Variants in PRELID2 observed in about 807,000 individuals in gnomAD.
The protein encoded by PRELID2 is PRELI domain-containing protein 2.
PRELID2 carries 25 observed loss-of-function variants against 28.4 expected under a neutral mutation model. That is an observed-to-expected ratio of 0.88 (90% CI 0.64 to 1.23). The LOEUF (loss-of-function observed/expected upper bound fraction) is 1.23. PRELID2 is among the 50% of genes most tolerant of loss of function. The pLI, the probability that PRELID2 is intolerant of heterozygous loss-of-function variation, is 0.00. For missense variants in PRELID2, 201 were observed against 214.4 expected (o/e 0.94, Z 0.39); for synonymous variants, 76 against 71.6 (o/e 1.06, Z -0.31).
intron 5 of PRELID2, among the ~76,000 whole-genome samples, chr5:145,771,065 G>A (rs1490329188): frequency 2.0e-5 from 3 of 152,046 alleles, no homozygotes; most frequent in Admixed American, 1.3e-4. Context: ...CGCCCACCCA[G>A]AGCAACTTCC....
chr5:145,730,033 C>G (rs1045395921), intron 1 of PRELID2, among the ~76,000 whole-genome samples: 13 of 152,058 alleles, frequency 8.5e-5, no homozygotes, highest in Non-Finnish European at 2.9e-5. Flanking sequence ...AATCTAGGAG[C>G]CTGAGAGGGC....
At chr5:145,367,631 C>T in the PRELID2 span, among the ~76,000 whole-genome samples, 2 of 151,888 alleles carry the variant, frequency 1.3e-5, no homozygotes, top group Non-Finnish European at 2.9e-5. Context: ...TCTGCTAATC[C>T]CTGACAACCA....
chr5:145,456,123 A>C, the PRELID2 span, among the ~76,000 whole-genome samples: 1 of 152,232 alleles, frequency 6.6e-6, no homozygotes, highest in Non-Finnish European at 1.5e-5. Context: ...ACTGGTCTGC[A>C]AAATGTTACT....
At chr5:145,296,830 T>C in the PRELID2 span, among the ~76,000 whole-genome samples, 1 of 152,150 alleles carries the variant, frequency 6.6e-6, no homozygotes, top group Non-Finnish European at 1.5e-5. Flanking sequence ...TGTTCCTATT[T>C]CTCCACATCC....
At chr5:145,500,981 C>T (rs1292807486) in intron 1 of PRELID2, among the ~76,000 whole-genome samples, 1 of 152,134 alleles carries the variant, frequency 6.6e-6, no homozygotes, top group African/African-American at 2.4e-5. Context: ...GAGGGAGGAC[C>T]TGGCCTCCTG....
At chr5:145,381,715 T>A in the PRELID2 span, 2 of 152,396 alleles carry the variant, frequency 1.3e-5, no homozygotes, top group Admixed American at 6.6e-5. Flanking sequence ...ACTGAGAGAT[T>A]TTTCTGCGAA....
chr5:145,480,896 G>A (rs561858403), intron 1 of PRELID2, among the ~76,000 whole-genome samples: 1 of 152,122 alleles, frequency 6.6e-6, no homozygotes, highest in Non-Finnish European at 1.5e-5. Context: ...CTTTCAAAGC[G>A]AGGTTACCGA....
chr5:145,814,169 G>A (rs1464548355), intron 4 of PRELID2, among the ~76,000 whole-genome samples: 1 of 152,086 alleles, frequency 6.6e-6, no homozygotes, highest in Non-Finnish European at 1.5e-5. Context: ...GTTCCTAAAG[G>A]ATGTCCTCCC....
chr5:145,756,604 G>A lies in PRELID2; in HGVS notation c.*3932C>T, dbSNP rs910808571. 1.3e-5 allele frequency among the ~76,000 whole-genome samples: 2 copies of A among 152,148 alleles called. No homozygotes were observed. Among genetic ancestry groups the A allele is most frequent in the Admixed American group, 6.5e-5 (1 of 15,272 alleles). On this transcript the variant is annotated 3_prime_UTR_variant, in exon 7 of 7. Transcript: ENST00000683046. ...TTTCTAGCAATATCTCACTTGCCGCGAGTTCACAAATATGACAACTGCAGA... is the reference window on the plus strand; with the variant it reads ...TTTCTAGCAATATCTCACTTGCCGCAAGTTCACAAATATGACAACTGCAGA...
At chr5:145,643,647 G>A (rs762889589) in intron 1 of PRELID2, among the ~76,000 whole-genome samples, 2 of 152,134 alleles carry the variant, frequency 1.3e-5, no homozygotes, top group Non-Finnish European at 2.9e-5. Flanking sequence ...TTGACTGTGG[G>A]TTTGTCATAA....
At chr5:145,506,157 C>A (rs1291005187) in intron 1 of PRELID2, among the ~76,000 whole-genome samples, 1 of 152,082 alleles carries the variant, frequency 6.6e-6, no homozygotes, top group African/African-American at 2.4e-5. Flanking sequence ...AAATTATTGA[C>A]CCACAAGAGC....
At chr5:145,696,792 C>G (rs539458697) in intron 1 of PRELID2, among the ~76,000 whole-genome samples, 1 of 151,952 alleles carries the variant, frequency 6.6e-6, no homozygotes, top group Admixed American at 6.6e-5. Flanking sequence ...AAAATCATTA[C>G]AGTTCTTAAC....
intron 6 of PRELID2, among the ~76,000 whole-genome samples, chr5:145,764,002 G>A (rs1363076172): frequency 6.6e-6 from 1 of 152,004 alleles, no homozygotes; most frequent in Non-Finnish European, 1.5e-5. Context: ...CTTGAACCCG[G>A]GAGATGGAGG....
the PRELID2 span, among the ~76,000 whole-genome samples, chr5:145,380,698 T>C: frequency 6.6e-6 from 1 of 152,200 alleles, no homozygotes; most frequent in Non-Finnish European, 1.5e-5. Context: ...TAGAGCTATT[T>C]TTGGATTCCC....
chr5:145,748,778 T>C (rs1017848122), intron 1 of PRELID2, among the ~76,000 whole-genome samples: 2 of 152,014 alleles, frequency 1.3e-5, no homozygotes, highest in African/African-American at 4.8e-5. Context: ...AAAACAGATA[T>C]ACAGACAAAT....
At chr5:145,529,325 G>T (rs1237153115) in intron 1 of PRELID2, among the ~76,000 whole-genome samples, 1 of 152,104 alleles carries the variant, frequency 6.6e-6, no homozygotes, top group East Asian at 1.9e-4. Context: ...CCAAAGAAAT[G>T]AGAACACATG....
chr5:145,262,591 C>A, the PRELID2 span, among the ~76,000 whole-genome samples: 1 of 151,836 alleles, frequency 6.6e-6, no homozygotes, highest in Non-Finnish European at 1.5e-5. Context: ...TGAAACAAAG[C>A]TTTATAAATG....
chr5:145,741,387 A>ATAAT (rs1454381638), intron 1 of PRELID2, among the ~76,000 whole-genome samples: 3 of 107,512 alleles, frequency 2.8e-5, no homozygotes, highest in African/African-American at 4.1e-5. Flanking sequence ...TTATTTATAA[A>ATAAT]TTATTTATAT....
At chr5:145,370,332 T>G in the PRELID2 span, among the ~76,000 whole-genome samples, 5 of 152,106 alleles carry the variant, frequency 3.3e-5, no homozygotes, top group Admixed American at 1.3e-4. Flanking sequence ...TTTATTTTTT[T>G]CTGCATATGG....
Sources: gnomAD v4.1 joint callset for allele counts (sites outside exome capture counted in the v4.1 genomes callset) on GRCh38, gnomAD v4.1.1 for gene constraint, MANE v1.5 for transcripts, NCBI Gene and HGNC (gene_info 2026-07-23, HGNC 2026-07-21) for gene names.